The following IL1RAPL2 variants were observed in gnomAD, a reference collection of about 807,000 sequenced individuals.
IL1RAPL2 encodes the protein X-linked interleukin-1 receptor accessory protein-like 2.
IL1RAPL2 carries 3 observed loss-of-function variants against 44.1 expected under a neutral mutation model. That is an observed-to-expected ratio of 0.07 (90% confidence interval 0.03 to 0.18). The LOEUF is 0.18. Among genes scored for constraint, IL1RAPL2 ranks in the 10% least tolerant of loss-of-function variants. IL1RAPL2 has a pLI of 1.00. For missense variants in IL1RAPL2, 391 were observed against 496.4 expected (o/e 0.79, Z 2.02); for synonymous variants, 181 against 178.8 (o/e 1.01, Z -0.10).
intron 2 of IL1RAPL2, among the ~76,000 whole-genome samples, chrX:105,036,702 T>A (rs2031635613): frequency 8.9e-6 from 1 of 112,151 alleles, no homozygotes; most frequent in South Asian, 3.7e-4. Flanking sequence ...ATAACCCACA[T>A]GTTCAAGAAT....
chrX:105,261,941 T>C (rs1410792911), intron 4 of IL1RAPL2, among the ~76,000 whole-genome samples: 1 of 111,910 alleles, frequency 8.9e-6, no homozygotes, highest in Non-Finnish European at 1.9e-5. Flanking sequence ...CACCCACTAC[T>C]TGAGACAGGA....
At chrX:105,035,083 C>T (rs1345781279) in intron 2 of IL1RAPL2, among the ~76,000 whole-genome samples, 1 of 111,485 alleles carries the variant, frequency 9.0e-6, no homozygotes, top group Non-Finnish European at 1.9e-5. Flanking sequence ...TTTTTTAAGC[C>T]CGTTGGAAAA....
chrX:105,593,552 T>C (rs2037188214), intron 6 of IL1RAPL2, among the ~76,000 whole-genome samples: 1 of 111,911 alleles, frequency 8.9e-6, no homozygotes, highest in East Asian at 2.8e-4. Context: ...CCTGGGCTGA[T>C]ATTCCTTTAA....
rs144343019 is a variant in IL1RAPL2 at position 105,054,174 on chromosome X, C to T, written c.83-141301C>T. On this transcript the variant is annotated intron_variant, in intron 2 of 10. Transcript: ENST00000372582. ...TAATACACACACACACACATACACA[C>T]GCATACACACACACTCACACTGAGA... Among the ~76,000 whole-genome samples, 303 of 110,629 alleles carry T rather than the reference C, an allele frequency of 2.7e-3. 3 individuals carry two copies. The highest frequency in any genetic ancestry group is 0.024 in the Admixed American group (249 of 10,324).
chrX:104,934,528 A>C (rs943149708), intron 2 of IL1RAPL2, among the ~76,000 whole-genome samples: 1 of 111,633 alleles, frequency 9.0e-6, no homozygotes, highest in Non-Finnish European at 1.9e-5. Flanking sequence ...ATCATCTCAG[A>C]AAGCAGTGAA....
intron 2 of IL1RAPL2, among the ~76,000 whole-genome samples, chrX:105,036,694 A>T (rs1255038295): frequency 8.0e-5 from 9 of 112,179 alleles, no homozygotes; most frequent in Non-Finnish European, 1.7e-4. Flanking sequence ...TGGTGTCAAT[A>T]ACCCACATGT....
intron 1 of IL1RAPL2, among the ~76,000 whole-genome samples, chrX:104,577,271 G>A (rs1389643715): frequency 1.8e-5 from 2 of 111,906 alleles, no homozygotes; most frequent in African/African-American, 6.5e-5. Context: ...ATTGGAGCTT[G>A]GGGGAAAGAG....
At chrX:104,638,002 C>CT (rs1161363591) in intron 1 of IL1RAPL2, among the ~76,000 whole-genome samples, 2 of 110,926 alleles carry the variant, frequency 1.8e-5, no homozygotes, top group East Asian at 2.8e-4. Flanking sequence ...TTGGATGTTT[C>CT]TTTTTTGGGA....
intron 4 of IL1RAPL2, 65 bp downstream of exon 4, chrX:105,234,069 A>G: frequency 1.1e-6 from 1 of 927,990 alleles, no homozygotes; most frequent in Non-Finnish European, 1.5e-6. Flanking sequence ...GGATGAGGAA[A>G]GGGAGATTTT....
intron 2 of IL1RAPL2, among the ~76,000 whole-genome samples, chrX:104,952,420 AAGAG>A (rs1378054999): frequency 8.9e-6 from 1 of 112,115 alleles, no homozygotes; most frequent in Non-Finnish European, 1.9e-5. Flanking sequence ...TGATAGATAA[AAGAG>A]AGAGCCCTCC....
At chrX:104,701,403 AG>A (rs1326324452) in intron 2 of IL1RAPL2, among the ~76,000 whole-genome samples, 5 of 111,533 alleles carry the variant, frequency 4.5e-5, no homozygotes, top group African/African-American at 1.6e-4. Context: ...TTCAGAGGCA[AG>A]TACTTCACCC....
intron 5 of IL1RAPL2, among the ~76,000 whole-genome samples, chrX:105,355,862 C>T (rs956381861): frequency 3.6e-5 from 4 of 110,013 alleles, no homozygotes; most frequent in Non-Finnish European, 7.6e-5. Flanking sequence ...CTTACAGGGT[C>T]GCGGGTAAGA....
At position 105,334,511 on chromosome X, in the gene IL1RAPL2, G is replaced by A. The variant is rs148473884; in HGVS notation, c.697+66970G>A. On this transcript the variant is annotated intron_variant, in intron 5 of 10. Transcript: ENST00000372582. Reference sequence around the variant, plus strand: ...ATTGTACATTTTAAGATAACTAAGAGTATAATTGGATTGTAACACAAAAGA... The same window carrying A: ...ATTGTACATTTTAAGATAACTAAGAATATAATTGGATTGTAACACAAAAGA... 8.9e-3 allele frequency among the ~76,000 whole-genome samples: 994 copies of A among 111,615 alleles called. 14 individuals are homozygous for A. The highest frequency in any genetic ancestry group is 0.03 in the African/African-American group (912 of 30,697).
At chrX:104,751,379 T>C (rs1201631235) in intron 2 of IL1RAPL2, among the ~76,000 whole-genome samples, 1 of 111,561 alleles carries the variant, frequency 9.0e-6, no homozygotes, top group African/African-American at 3.2e-5. Context: ...AATCATATAA[T>C]TATAAGTGGG....
chrX:105,511,222 A>G (rs1313645950), intron 6 of IL1RAPL2, among the ~76,000 whole-genome samples: 1 of 111,778 alleles, frequency 8.9e-6, no homozygotes, highest in Non-Finnish European at 1.9e-5. Context: ...TTATGATTCG[A>G]GAAAAGGTCA....
At position 104,923,582 on chromosome X, in the gene IL1RAPL2, T is replaced by G. The variant is rs762754729; in HGVS notation, c.82+264587T>G. Among the ~76,000 whole-genome samples, 15 of 111,634 alleles carry G rather than the reference T, an allele frequency of 1.3e-4. No homozygotes were observed. In the South Asian group the frequency reaches 4.8e-3, roughly 36 times the overall value. On this transcript the variant is annotated intron_variant, in intron 2 of 10. Transcript: ENST00000372582. The stretch of plus-strand genomic sequence containing the variant: ...TAAGGTTCATAAATGAAGGAGAAAG[T>G]ATTTTCCAGACAAGCAAATGCTAAG...
chrX:105,674,210 C>T (rs1342312133), intron 6 of IL1RAPL2, among the ~76,000 whole-genome samples: 8 of 111,848 alleles, frequency 7.2e-5, no homozygotes, highest in Admixed American at 1.9e-4. Context: ...TTATTGCAAT[C>T]GCTTATGGTT....
intron 3 of IL1RAPL2, 23 bp downstream of exon 3, chrX:105,195,771 G>T (rs1275390030): frequency 8.3e-7 from 1 of 1,199,791 alleles, no homozygotes; most frequent in Non-Finnish European, 1.1e-6. Context: ...TGAAAACATT[G>T]CCCAATCACA....
At chrX:104,751,052 T>C (rs1425744710) in intron 2 of IL1RAPL2, among the ~76,000 whole-genome samples, 1 of 111,225 alleles carries the variant, frequency 9.0e-6, no homozygotes, top group Non-Finnish European at 1.9e-5. Flanking sequence ...GAACACAAGC[T>C]ACAAGATTAT....
Sources: gnomAD v4.1 joint callset for allele counts (sites outside exome capture counted in the v4.1 genomes callset) on GRCh38, gnomAD v4.1.1 for gene constraint, MANE v1.5 for transcripts, NCBI Gene and HGNC (gene_info 2026-07-23, HGNC 2026-07-21) for gene names.